Variants in GALNT13 observed in about 807,000 individuals in gnomAD.
GALNT13 encodes the protein polypeptide N-acetylgalactosaminyltransferase 13, also known as UDP-GalNAc:polypeptide N-acetylgalactosaminyltransferase 13.
A neutral mutation model predicts 64.2 loss-of-function variants in GALNT13; 28 were observed. That is an observed-to-expected ratio of 0.44 (90% CI 0.32 to 0.60). The LOEUF (loss-of-function observed/expected upper bound fraction) is 0.60, where lower values mean the gene tolerates loss of function less well. GALNT13 is among the 20% of genes least tolerant of loss of function. The probability of loss-of-function intolerance (pLI) is 0.05; values close to 1 mark genes in which losing one functional copy is unlikely to be tolerated. For missense variants in GALNT13, 577 were observed against 669.8 expected, an observed-to-expected ratio of 0.86 and a Z score of 1.53; for synonymous variants, 214 against 224.6, an observed-to-expected ratio of 0.95 and a Z score of 0.42.
the GALNT13 span, among the ~76,000 whole-genome samples, chr2:153,145,167 G>A: frequency 0.11 from 16,231 of 151,822 alleles, 1,005 homozygotes; most frequent in African/African-American, 0.16. Flanking sequence ...TTATGGTGCT[G>A]AGCATATATA....
chr2:153,546,798 G>A, the GALNT13 span, among the ~76,000 whole-genome samples: 87,404 of 152,086 alleles, frequency 0.57, 28,227 homozygotes, highest in African/African-American at 0.86. Flanking sequence ...TATTAAAGAA[G>A]TACTGAAGGT....
chr2:154,065,522 G>T (rs1700414731), intron 3 of GALNT13, among the ~76,000 whole-genome samples: 1 of 152,136 alleles, frequency 6.6e-6, no homozygotes, highest in Admixed American at 6.6e-5. Context: ...CACAGAGAAA[G>T]ATTCCATTTG....
chr2:153,587,483 G>A, the GALNT13 span, among the ~76,000 whole-genome samples: 1 of 152,108 alleles, frequency 6.6e-6, no homozygotes, highest in Non-Finnish European at 1.5e-5. Flanking sequence ...AGGCAAAGAG[G>A]AGCAAGTCAT....
At chr2:153,967,011 G>T (rs980088497) in intron 3 of GALNT13, among the ~76,000 whole-genome samples, 1 of 151,970 alleles carries the variant, frequency 6.6e-6, no homozygotes, top group South Asian at 2.1e-4. Context: ...CTGCTTTTGA[G>T]AGACTGCGGC....
At chr2:154,390,257 C>T (rs977426854) in intron 9 of GALNT13, among the ~76,000 whole-genome samples, 1 of 152,112 alleles carries the variant, frequency 6.6e-6, no homozygotes, top group East Asian at 1.9e-4. Flanking sequence ...ATTCAGGGTG[C>T]ATGTACAGAT....
At chr2:153,969,801 T>C (rs1693621522) in intron 3 of GALNT13, among the ~76,000 whole-genome samples, 1 of 152,164 alleles carries the variant, frequency 6.6e-6, no homozygotes, top group Non-Finnish European at 1.5e-5. Flanking sequence ...GTGTTTTCGT[T>C]TTCTTCTTTA....
At chr2:153,197,723 C>T in the GALNT13 span, among the ~76,000 whole-genome samples, 12 of 152,188 alleles carry the variant, frequency 7.9e-5, no homozygotes, top group Admixed American at 3.3e-4. Flanking sequence ...ACACAGAGGC[C>T]CTCCTGCTTG....
intron 3 of GALNT13, among the ~76,000 whole-genome samples, chr2:154,076,693 T>C (rs1184479248): frequency 6.6e-6 from 1 of 151,744 alleles, no homozygotes; most frequent in East Asian, 1.9e-4. Flanking sequence ...ATATATTAAC[T>C]AGTTTTAACC....
At chr2:153,535,105 G>C in the GALNT13 span, among the ~76,000 whole-genome samples, 2 of 152,122 alleles carry the variant, frequency 1.3e-5, no homozygotes, top group Non-Finnish European at 2.9e-5. Flanking sequence ...GGAACCTAGA[G>C]TGGGAGAGAT....
the GALNT13 span, among the ~76,000 whole-genome samples, chr2:153,536,255 T>A: frequency 6.6e-6 from 1 of 151,622 alleles, no homozygotes. Context: ...TTCCCTGGAG[T>A]TTTTAACTTT....
the GALNT13 span, among the ~76,000 whole-genome samples, chr2:153,783,915 T>C: frequency 6.6e-6 from 1 of 152,148 alleles, no homozygotes; most frequent in Non-Finnish European, 1.5e-5. Flanking sequence ...AATTACCCAG[T>C]CTCGGGTATG....
chr2:153,977,290 C>T (rs1354734597), intron 3 of GALNT13, among the ~76,000 whole-genome samples: 1 of 152,150 alleles, frequency 6.6e-6, no homozygotes, highest in Non-Finnish European at 1.5e-5. Context: ...AGTATGTTCT[C>T]ATGCAGCTAA....
chr2:153,225,909 A>G, the GALNT13 span, among the ~76,000 whole-genome samples: 3 of 152,242 alleles, frequency 2.0e-5, no homozygotes, highest in Middle Eastern at 3.4e-3. Context: ...TATAAATTCA[A>G]TGCAATTCTG....
At chr2:153,262,038 G>T in the GALNT13 span, among the ~76,000 whole-genome samples, 1 of 152,166 alleles carries the variant, frequency 6.6e-6, no homozygotes, top group African/African-American at 2.4e-5. Context: ...CCAGGAGCTT[G>T]CTTGGTCCTC....
intron 1 of GALNT13, among the ~76,000 whole-genome samples, chr2:153,880,968 A>G (rs1004368965): frequency 1.3e-5 from 2 of 152,186 alleles, no homozygotes; most frequent in Admixed American, 1.3e-4. Context: ...ACAAAACAAA[A>G]CAAAACAAAA....
At chr2:153,823,462 A>C in the GALNT13 span, among the ~76,000 whole-genome samples, 1 of 152,124 alleles carries the variant, frequency 6.6e-6, no homozygotes, top group South Asian at 2.1e-4. Context: ...ACCCAGATAC[A>C]AACCCTCACA....
intron 3 of GALNT13, among the ~76,000 whole-genome samples, chr2:153,982,717 T>A (rs902503432): frequency 1.3e-5 from 2 of 152,066 alleles, no homozygotes; most frequent in African/African-American, 4.8e-5. Context: ...TTTGGAGACA[T>A]GTTCAATAAT....
the GALNT13 span, among the ~76,000 whole-genome samples, chr2:153,866,119 C>T: frequency 2.7e-5 from 3 of 109,896 alleles, no homozygotes; most frequent in Non-Finnish European, 5.6e-5. Flanking sequence ...AATGAGATCA[C>T]ATGGACACAG....
intron 12 of GALNT13, among the ~76,000 whole-genome samples, chr2:154,447,947 C>A (rs1241433233): frequency 1.3e-5 from 2 of 152,018 alleles, no homozygotes; most frequent in African/African-American, 4.8e-5. Context: ...AGTGCTAGAG[C>A]AGAGACCACA....
Sources: allele counts gnomAD v4.1 joint callset (sites outside exome capture counted in the v4.1 genomes callset), GRCh38; gene constraint gnomAD v4.1.1; transcripts MANE v1.5; gene names NCBI Gene and HGNC (gene_info 2026-07-23, HGNC 2026-07-21).